Variants in STPG2 observed in about 807,000 individuals in gnomAD.
STPG2 encodes sperm tail PG-rich repeat containing 2.
In STPG2, 56 loss-of-function variants were observed where a neutral mutation model predicts 54.2. That is an observed-to-expected ratio of 1.03 (90% CI 0.83 to 1.29). The LOEUF is 1.29. Ranked by LOEUF, STPG2 falls within the 50% of genes most tolerant of loss-of-function variation. STPG2 has a pLI of 0.00. For missense variants in STPG2, 596 were observed against 544.9 expected (o/e 1.09, Z -0.93); for synonymous variants, 200 against 181.8 (o/e 1.10, Z -0.81).
At chr4:97,904,548 G>C (rs1016497047) in intron 8 of STPG2, among the ~76,000 whole-genome samples, 1 of 152,224 alleles carries the variant, frequency 6.6e-6, no homozygotes. Flanking sequence ...GCAGTTTCCT[G>C]CCTCTCCTCC....
chr4:97,530,477 A>G (rs1028556719), intron 4 of STPG2, among the ~76,000 whole-genome samples: 1 of 151,994 alleles, frequency 6.6e-6, no homozygotes, highest in African/African-American at 2.4e-5. Context: ...TCTTTTAGGG[A>G]AATTTTGTTT....
intron 8 of STPG2, among the ~76,000 whole-genome samples, chr4:97,847,304 AAT>A (rs1374346723): frequency 1.5e-4 from 23 of 152,160 alleles, no homozygotes; most frequent in African/African-American, 5.5e-4. Context: ...AAGCATCTCT[AAT>A]ATTCATCATT....
chr4:97,929,304 C>A (rs1215326094), intron 8 of STPG2, among the ~76,000 whole-genome samples: 1 of 152,140 alleles, frequency 6.6e-6, no homozygotes, highest in African/African-American at 2.4e-5. Flanking sequence ...GATTCCATGT[C>A]TTTGCTATTG....
chr4:97,584,421 CA>C (rs1732940592), intron 10 of STPG2, among the ~76,000 whole-genome samples: 1 of 151,840 alleles, frequency 6.6e-6, no homozygotes, highest in South Asian at 2.1e-4. Context: ...ATACCTACAT[CA>C]AAAAGTCTGA....
chr4:97,951,547 A>C (rs1445074831), intron 7 of STPG2, among the ~76,000 whole-genome samples: 1 of 151,642 alleles, frequency 6.6e-6, no homozygotes, highest in Admixed American at 6.6e-5. Context: ...TTATAGTTTA[A>C]TGTAGCCTAA....
chr4:97,949,399 C>A (rs551279692), intron 7 of STPG2, among the ~76,000 whole-genome samples: 14 of 152,102 alleles, frequency 9.2e-5, no homozygotes, highest in Middle Eastern at 6.8e-3. Context: ...TTTAAGTGGA[C>A]CATTACGCCA....
intron 9 of STPG2, among the ~76,000 whole-genome samples, chr4:97,823,394 T>C (rs1490861839): frequency 2.0e-5 from 3 of 152,164 alleles, no homozygotes; most frequent in Non-Finnish European, 4.4e-5. Flanking sequence ...GCTGTAGATA[T>C]AGAAAAGCAA....
intron 5 of STPG2, among the ~76,000 whole-genome samples, chr4:98,104,006 C>T (rs1332738192): frequency 6.6e-6 from 1 of 152,160 alleles, no homozygotes; most frequent in Non-Finnish European, 1.5e-5. Flanking sequence ...AAGCTGAACT[C>T]ATTATCTGCT....
At chr4:98,062,503 C>T (rs934290255) in intron 5 of STPG2, among the ~76,000 whole-genome samples, 7 of 152,022 alleles carry the variant, frequency 4.6e-5, no homozygotes, top group African/African-American at 7.2e-5. Flanking sequence ...ATATAATAGT[C>T]GAGAATCCTT....
chr4:97,997,980 C>A (rs951605186), intron 5 of STPG2, among the ~76,000 whole-genome samples: 2 of 151,986 alleles, frequency 1.3e-5, no homozygotes, highest in African/African-American at 4.8e-5. Context: ...TATTAAAGAA[C>A]GGAGTGCGAA....
chr4:98,034,353 T>C (rs928434575), intron 5 of STPG2, among the ~76,000 whole-genome samples: 1 of 152,162 alleles, frequency 6.6e-6, no homozygotes, highest in African/African-American at 2.4e-5. Flanking sequence ...TCACAACTGC[T>C]ACTAAGAGAA....
intron 5 of STPG2, among the ~76,000 whole-genome samples, chr4:98,058,198 A>T (rs1737537697): frequency 6.6e-6 from 1 of 152,208 alleles, no homozygotes; most frequent in African/African-American, 2.4e-5. Context: ...GCAGGATCAA[A>T]TCTGCACACA....
At chr4:97,568,401 G>C (rs1732509973) in intron 10 of STPG2, among the ~76,000 whole-genome samples, 1 of 152,080 alleles carries the variant, frequency 6.6e-6, no homozygotes, top group Non-Finnish European at 1.5e-5. Context: ...CAAGTTATGA[G>C]TATGTAATAG....
chr4:97,449,771 C>T (rs1171700045), intron 4 of STPG2, among the ~76,000 whole-genome samples: 2 of 152,220 alleles, frequency 1.3e-5, no homozygotes, highest in South Asian at 4.1e-4. Flanking sequence ...TGACTGTCTT[C>T]ATGTAATAGA....
At chr4:97,741,839 T>A (rs958524683) in intron 9 of STPG2, among the ~76,000 whole-genome samples, 3 of 152,118 alleles carry the variant, frequency 2.0e-5, no homozygotes, top group African/African-American at 7.2e-5. Context: ...AGAAATACCA[T>A]TTGACCAAGC....
chr4:97,561,782 T>A (rs1178889078), intron 10 of STPG2, among the ~76,000 whole-genome samples: 1 of 152,182 alleles, frequency 6.6e-6, no homozygotes, highest in Non-Finnish European at 1.5e-5. Flanking sequence ...GGGGCTAAGT[T>A]CTGTTCCATT....
chr4:98,004,879 G>A (rs62318472), intron 5 of STPG2, among the ~76,000 whole-genome samples: 59,119 of 151,340 alleles, frequency 0.39, 11,751 homozygotes, highest in Middle Eastern at 0.46. Context: ...CTATATTTTG[G>A]ATATTAAGCC....
At chr4:97,820,061 C>A (rs1232954960) in intron 9 of STPG2, among the ~76,000 whole-genome samples, 2 of 151,992 alleles carry the variant, frequency 1.3e-5, no homozygotes, top group Non-Finnish European at 2.9e-5. Context: ...TATGTGCTCC[C>A]TTCATGTCTC....
intron 8 of STPG2, among the ~76,000 whole-genome samples, chr4:97,920,673 C>T (rs948565522): frequency 2.7e-5 from 4 of 150,794 alleles, no homozygotes; most frequent in African/African-American, 7.3e-5. Flanking sequence ...AAATAAAGAA[C>T]CCTGAACAGC....
Sources: gnomAD v4.1 joint callset for allele counts (sites outside exome capture counted in the v4.1 genomes callset) on GRCh38, gnomAD v4.1.1 for gene constraint, MANE v1.5 for transcripts, NCBI Gene and HGNC (gene_info 2026-07-23, HGNC 2026-07-21) for gene names.